The following ZFPM1 variants were observed in gnomAD, a reference collection of about 807,000 sequenced individuals.
ZFPM1 encodes the protein zinc finger protein, FOG family member 1.
A neutral mutation model predicts 46.3 loss-of-function variants in ZFPM1; 28 were observed. That is an observed-to-expected ratio of 0.60 (90% confidence interval 0.45 to 0.83). ZFPM1 has a LOEUF of 0.83. Among genes scored for constraint, ZFPM1 ranks in the 40% least tolerant of loss-of-function variants. The probability of loss-of-function intolerance (pLI) is 0.00; values close to 1 mark genes in which losing one functional copy is unlikely to be tolerated. For missense variants in ZFPM1, 1,878 were observed against 1,432.4 expected (o/e 1.31, Z -5.02); for synonymous variants, 957 against 675.9 (o/e 1.42, Z -6.45).
rs547636107 is a variant in ZFPM1 at position 88,490,402 on chromosome 16, G to T, written c.268+1249G>T. The stretch of plus-strand genomic sequence containing the variant: ...TGTGCCAGGCATATAGCCGGGAGCA[G>T]ATGGCCGATGCAGAGCGCGCAAGCG... On this transcript the variant is annotated intron_variant, in intron 3 of 9. Transcript: ENST00000319555. 3.9e-5 allele frequency among the ~76,000 whole-genome samples: 6 copies of T among 152,392 alleles called. No homozygotes were observed. The East Asian group carries it at 9.6e-4, about 24-fold the overall frequency.
intron 3 of ZFPM1, among the ~76,000 whole-genome samples, chr16:88,510,688 T>C (rs1910907381): frequency 6.6e-6 from 1 of 151,860 alleles, no homozygotes; most frequent in African/African-American, 2.4e-5. Context: ...CGTCTAGAGA[T>C]GGGGAAACTG....
chr16:88,493,971 C>T (rs1214727025), intron 3 of ZFPM1, among the ~76,000 whole-genome samples: 2 of 152,188 alleles, frequency 1.3e-5, no homozygotes, highest in African/African-American at 4.8e-5. Context: ...CGCTGAGTGA[C>T]AGCAGGCAGG....
Position 88,473,640 on chromosome 16 carries a change from G to A in ZFPM1, c.41-12299G>A, listed in dbSNP as rs1908528100. On this transcript the variant is annotated intron_variant, in intron 1 of 9. Coordinates refer to ENST00000319555, the MANE Select transcript of ZFPM1 (RefSeq NM_153813.3). ...AGGCTGCGCGGCGATGGCTCCGTGAGCCGCGGCCCCCGCCCCATCTATCAG... is the reference window on the plus strand; with the variant it reads ...AGGCTGCGCGGCGATGGCTCCGTGAACCGCGGCCCCCGCCCCATCTATCAG... Among the ~76,000 whole-genome samples the A allele has an allele frequency of 2.6e-5, 4 of 152,242 alleles. No individual in the cohort carries two copies. In the South Asian group the frequency reaches 6.2e-4, roughly 24 times the overall value.
intron 1 of ZFPM1, among the ~76,000 whole-genome samples, chr16:88,455,817 G>A (rs1481241984): frequency 6.6e-6 from 1 of 152,122 alleles, no homozygotes; most frequent in Non-Finnish European, 1.5e-5. Flanking sequence ...GGCCTTGGCC[G>A]GCCAGATGGC....
intron 4 of ZFPM1, 49 bp downstream of exon 4, chr16:88,514,569 A>C (rs1911176366): frequency 7.1e-7 from 1 of 1,403,526 alleles, no homozygotes; most frequent in African/African-American, 1.5e-5. Flanking sequence ...AATGCAGGGC[A>C]ACATGGACCC....
rs181732484 is a variant in ZFPM1 at position 88,494,291 on chromosome 16, C to T, written c.268+5138C>T. On this transcript the variant is annotated intron_variant, in intron 3 of 9. Coordinates refer to ENST00000319555, the MANE Select transcript of ZFPM1 (RefSeq NM_153813.3). ...CGGGAGCAGCCACCTTGCGCTCCCC[C>T]GTCGGTGGCAGTCACCATGGCCTCA... Among the ~76,000 whole-genome samples, 61 of 152,240 alleles carry T rather than the reference C, an allele frequency of 4.0e-4. No individual in the cohort carries two copies. The East Asian group carries it at 9.3e-3, about 23-fold the overall frequency.
Position 88,480,388 on chromosome 16 carries a change from A to T in ZFPM1, c.41-5551A>T, listed in dbSNP as rs977182903. Reference sequence around the variant, plus strand: ...AGCGAAAGCGAAGGAGGAAGAAGTGAGTGTGTGAGGGGACGGGTGAGTGAG... The same window carrying T: ...AGCGAAAGCGAAGGAGGAAGAAGTGTGTGTGTGAGGGGACGGGTGAGTGAG... On this transcript the variant is annotated intron_variant, in intron 1 of 9. Transcript: ENST00000319555. This position sits in a 1 kb window ranked among gnomAD's most constrained non-coding sequence, Gnocchi z 4.9. Among the ~76,000 whole-genome samples, 2 of 152,094 alleles carry T rather than the reference A, an allele frequency of 1.3e-5. No homozygotes were observed. Among genetic ancestry groups the T allele is most frequent in the African/African-American group, 4.8e-5 (2 of 41,430 alleles).
intron 4 of ZFPM1, among the ~76,000 whole-genome samples, chr16:88,523,991 A>G (rs1333575380): frequency 1.3e-5 from 2 of 152,208 alleles, no homozygotes; most frequent in Non-Finnish European, 2.9e-5. Flanking sequence ...GCGTCAGCAC[A>G]GTTGCGGCGC....
At chr16:88,526,569 C>T (rs949476726) in intron 4 of ZFPM1, among the ~76,000 whole-genome samples, 7 of 152,196 alleles carry the variant, frequency 4.6e-5, no homozygotes, top group Admixed American at 1.3e-4. Flanking sequence ...GCGCCCAACC[C>T]TGGAAGGTAC....
In ZFPM1 at chr16:88,514,449, A is replaced by C; in HGVS notation, c.331A>C (p.Thr111Pro). 6.4e-7 allele frequency: 1 copy of C among 1,558,442 alleles called. No individual in the cohort carries two copies. Among genetic ancestry groups the C allele is most frequent in the South Asian group, 1.2e-5 (1 of 84,600 alleles). The change falls in exon 4 of 10, where the codon ACG becomes CCG. Residue 111 changes from threonine (T) to proline (P), a missense_variant. Transcript: ENST00000319555. ...RRIRARLSLA[T>P]GLSWGPFHGS... The stretch of plus-strand genomic sequence containing the variant: ...CATACGGGCCCGACTCAGCCTCGCC[A>C]CGGGCCTGTCCTGGGGCCCGTTCCA...
At chr16:88,519,994 G>T (rs1357201907) in intron 4 of ZFPM1, among the ~76,000 whole-genome samples, 1 of 150,222 alleles carries the variant, frequency 6.7e-6, no homozygotes, top group South Asian at 2.1e-4. Context: ...GGATGGATGG[G>T]TGGGTAGATA....
intron 1 of ZFPM1, among the ~76,000 whole-genome samples, chr16:88,467,266 G>A (rs1401752331): frequency 3.3e-5 from 5 of 152,130 alleles, no homozygotes; most frequent in African/African-American, 1.2e-4. Flanking sequence ...CAAACAAGCA[G>A]GGGGTACAGC....
rs1292947099 is a variant in ZFPM1 at position 88,501,384 on chromosome 16, C to CG, written c.268+12235dup. 3.7e-3 allele frequency among the ~76,000 whole-genome samples: 244 copies of CG among 65,238 alleles called. 2 individuals are homozygous for CG. Among genetic ancestry groups the CG allele is most frequent in the South Asian group, 9.9e-3 (17 of 1,718 alleles). 42.8% of individuals were successfully genotyped at this position (65,238 alleles called of 152,430 possible). ...ATGATGGAGATAGCAGACATGGGTG[C>CG]GGGGCCCTCCCGCAGGTGCTGGTGA... On this transcript the variant is annotated intron_variant, in intron 3 of 9. Transcript: ENST00000319555.
chr16:88,471,112 G>C lies in ZFPM1; in HGVS notation c.41-14827G>C, dbSNP rs1908398324. 6.6e-6 allele frequency among the ~76,000 whole-genome samples: 1 copy of C among 152,216 alleles called. No individual in the cohort carries two copies. The highest frequency in any genetic ancestry group is 6.5e-5 in the Admixed American group (1 of 15,294). On this transcript the variant is annotated intron_variant, in intron 1 of 9. Coordinates refer to ENST00000319555, the MANE Select transcript of ZFPM1 (RefSeq NM_153813.3). The surrounding 1 kb of genome is among the most constrained non-coding windows in gnomAD (Gnocchi z 4.1). ...CCTTCTGAAGGAGCGAGGGGGCCGG[G>C]AGGAGGAAAGCCCAGCTCCCCTGCA... is the stretch of plus-strand genomic sequence containing the variant.
At position 88,480,673 on chromosome 16, in the gene ZFPM1, G is replaced by A. The variant is rs1360623665; in HGVS notation, c.41-5266G>A. Among the ~76,000 whole-genome samples, 3 of 152,248 alleles carry A rather than the reference G, an allele frequency of 2.0e-5. No homozygotes were observed. The highest frequency in any genetic ancestry group is 2.9e-5 in the Non-Finnish European group (2 of 68,040). ...TGAGCCGGAGCAGGGTGCTCCCTGG[G>A]CCAGGGCCCTGGTTTTCAGAAGGCT... On this transcript the variant is annotated intron_variant, in intron 1 of 9. Transcript: ENST00000319555. The surrounding 1 kb of genome is among the most constrained non-coding windows in gnomAD (Gnocchi z 4.9).
Position 88,480,172 on chromosome 16 carries a change from C to T in ZFPM1, c.41-5767C>T, listed in dbSNP as rs1175851206. 1.3e-5 allele frequency among the ~76,000 whole-genome samples: 2 copies of T among 152,036 alleles called. No individual in the cohort carries two copies. Among genetic ancestry groups the T allele is most frequent in the Non-Finnish European group, 2.9e-5 (2 of 68,010 alleles). ...TGGACCCGGTGCTGGCAGCCTCCTC[C>T]TCTCCCCATCCAGATTGCCACCCAC... is the stretch of plus-strand genomic sequence containing the variant. On this transcript the variant is annotated intron_variant, in intron 1 of 9. Transcript: ENST00000319555. This position sits in a 1 kb window ranked among gnomAD's most constrained non-coding sequence, Gnocchi z 4.9.
At chr16:88,470,080 A>G (rs1000159761) in intron 1 of ZFPM1, among the ~76,000 whole-genome samples, 1 of 152,108 alleles carries the variant, frequency 6.6e-6, no homozygotes. Flanking sequence ...GAGGCAAAGC[A>G]AGCAGAAGGA....
chr16:88,488,704 G>A (rs1909381397), intron 2 of ZFPM1, among the ~76,000 whole-genome samples: 1 of 152,214 alleles, frequency 6.6e-6, no homozygotes, highest in Non-Finnish European at 1.5e-5. Flanking sequence ...CCAGCTGCCA[G>A]CAGAGGGGAC....
chr16:88,501,594 T>C (rs75148425), intron 3 of ZFPM1, among the ~76,000 whole-genome samples: 6,397 of 66,604 alleles, frequency 0.096, 936 homozygotes, highest in East Asian at 0.15. Flanking sequence ...GTGCATGGGC[T>C]CTCCCGCAGG....
Sources: gnomAD v4.1 joint callset for allele counts (sites outside exome capture counted in the v4.1 genomes callset) on GRCh38, gnomAD v4.1.1 for gene constraint, Gnocchi (gnomAD v3.1) non-coding constraint, MANE v1.5 for transcripts, NCBI Gene and HGNC (gene_info 2026-07-23, HGNC 2026-07-21) for gene names.